PDE8B: variants seen among roughly 807,000 people sequenced by gnomAD.
PDE8B encodes high affinity cAMP-specific and IBMX-insensitive 3',5'-cyclic phosphodiesterase 8B.
PDE8B carries 26 observed loss-of-function variants against 101.3 expected under a neutral mutation model. That is an observed-to-expected ratio of 0.26 (90% CI 0.19 to 0.36). The LOEUF (loss-of-function observed/expected upper bound fraction) is 0.36, where lower values mean the gene tolerates loss of function less well. Among genes scored for constraint, PDE8B ranks in the 10% least tolerant of loss-of-function variants. The probability of loss-of-function intolerance (pLI) is 1.00; values close to 1 mark genes in which losing one functional copy is unlikely to be tolerated. For synonymous variants in PDE8B, 424 were observed against 429.3 expected, an observed-to-expected ratio of 0.99 and a Z score of 0.15; for missense variants, 810 against 1,163.1, an observed-to-expected ratio of 0.70 and a Z score of 4.42.
At chr5:77,384,519 C>T (rs1006399314) in intron 10 of PDE8B, among the ~76,000 whole-genome samples, 3 of 152,082 alleles carry the variant, frequency 2.0e-5, no homozygotes, top group East Asian at 1.9e-4. Context: ...GTTGAATAGG[C>T]GTGGTGAGAG....
the PDE8B span, among the ~76,000 whole-genome samples, chr5:77,099,379 A>G: frequency 6.6e-6 from 1 of 152,222 alleles, no homozygotes; most frequent in Non-Finnish European, 1.5e-5. Context: ...GAACTGAGAT[A>G]TTTTTAAGAT....
chr5:77,090,777 G>A, the PDE8B span, among the ~76,000 whole-genome samples: 1 of 152,080 alleles, frequency 6.6e-6, no homozygotes, highest in Non-Finnish European at 1.5e-5. Flanking sequence ...GTGTATGTGT[G>A]AATACACACC....
Position 77,353,630 on chromosome 5 carries a change from T to C in PDE8B, c.1167+224T>C, listed in dbSNP as rs191355267. Among the ~76,000 whole-genome samples the C allele has an allele frequency of 4.6e-5, 7 of 152,312 alleles. No homozygotes were observed. In the East Asian group the frequency reaches 1.3e-3, roughly 29 times the overall value. ...TGCACATCGGTTATGATTTAGCTTG[T>C]GGCTGAGGAACTCTCTAGACTAATA... On this transcript the variant is annotated intron_variant, in intron 10 of 21. Coordinates refer to ENST00000264917, the MANE Select transcript of PDE8B (RefSeq NM_003719.5).
At chr5:77,423,638 T>TAG (rs1442051305) in intron 20 of PDE8B, among the ~76,000 whole-genome samples, 1 of 116,000 alleles carries the variant, frequency 8.6e-6, no homozygotes, top group African/African-American at 3.4e-5. Context: ...TTTAGTTTTT[T>TAG]TTTTTTTTTT....
At chr5:77,312,838 A>T (rs1370375895) in intron 2 of PDE8B, among the ~76,000 whole-genome samples, 1 of 152,200 alleles carries the variant, frequency 6.6e-6, no homozygotes, top group Admixed American at 6.5e-5. Flanking sequence ...TATGTGACTT[A>T]AGCCAAGCAG....
the PDE8B span, among the ~76,000 whole-genome samples, chr5:77,117,462 C>T: frequency 1.3e-5 from 2 of 152,124 alleles, no homozygotes; most frequent in Non-Finnish European, 2.9e-5. Flanking sequence ...TTACCTTTAC[C>T]ATGAAGACAG....
chr5:77,288,653 A>G (rs1437248538), intron 1 of PDE8B, among the ~76,000 whole-genome samples: 1 of 152,128 alleles, frequency 6.6e-6, no homozygotes, highest in Non-Finnish European at 1.5e-5. Context: ...CCCAGCCTTC[A>G]CCATCCTTTG....
chr5:77,104,265 G>A, the PDE8B span, among the ~76,000 whole-genome samples: 1 of 152,160 alleles, frequency 6.6e-6, no homozygotes, highest in Non-Finnish European at 1.5e-5. Flanking sequence ...TTGCCGGGAG[G>A]GAGCTCAGTA....
At chr5:77,424,415 G>A (rs918632601) in intron 20 of PDE8B, among the ~76,000 whole-genome samples, 14 of 152,192 alleles carry the variant, frequency 9.2e-5, no homozygotes, top group African/African-American at 3.4e-4. Context: ...CTGGCCTTCT[G>A]GCTTAATACA....
the PDE8B span, among the ~76,000 whole-genome samples, chr5:77,185,268 C>A: frequency 6.6e-6 from 1 of 152,192 alleles, no homozygotes; most frequent in Non-Finnish European, 1.5e-5. Context: ...GCTCACACAA[C>A]CGAGATTGAC....
At position 77,412,090 on chromosome 5, in the gene PDE8B, G is replaced by C; in HGVS notation, c.1577-10G>C. 5 of 1,613,982 alleles carry C rather than the reference G, an allele frequency of 3.1e-6. No homozygotes were observed. Among genetic ancestry groups the C allele is most frequent in the Non-Finnish European group, 4.2e-6 (5 of 1,179,952 alleles). On this transcript the variant is annotated splice_polypyrimidine_tract_variant and intron_variant, in intron 15 of 21. Coordinates refer to ENST00000264917, the MANE Select transcript of PDE8B (RefSeq NM_003719.5). ...TTAACCAGCCTCCCCCATCCCATCT[G>C]TTTGCTCAGATGTGCACCAGAGTCA...
chr5:77,426,050 T>C lies in PDE8B; in HGVS notation c.2548+154T>C, dbSNP rs1798045182. The stretch of plus-strand genomic sequence containing the variant: ...GGCCAAGTGGGGTGGGGTGCATTCT[T>C]TGCATCCCCAGCAGCTGGCACAGAA... On this transcript the variant is annotated intron_variant, in intron 21 of 21. Transcript: ENST00000264917. 4.2e-6 allele frequency: 3 copies of C among 712,154 alleles called. No individual in the cohort carries two copies. In the Admixed American group the frequency reaches 6.1e-5, roughly 15 times the overall value. The allele number at this position is 712,154 out of a possible 1,614,324, so 44.1% of individuals were successfully genotyped here. A position where few individuals can be genotyped will look rare whatever the true frequency, so the allele number is the denominator to read the frequency against.
intron 1 of PDE8B, among the ~76,000 whole-genome samples, chr5:77,217,734 G>C (rs981293581): frequency 5.9e-5 from 9 of 151,924 alleles, no homozygotes; most frequent in Non-Finnish European, 1.3e-4. Context: ...ATGGGGTCTC[G>C]CCACGTTACC....
chr5:77,396,560 ACC>A (rs1791104868), intron 10 of PDE8B, among the ~76,000 whole-genome samples: 1 of 152,168 alleles, frequency 6.6e-6, no homozygotes, highest in East Asian at 1.9e-4. Context: ...ACAGCTCCAT[ACC>A]ATAGGTGACC....
intron 1 of PDE8B, among the ~76,000 whole-genome samples, chr5:77,230,340 G>A (rs1298849794): frequency 1.3e-5 from 2 of 152,232 alleles, no homozygotes; most frequent in African/African-American, 4.8e-5. Context: ...AGCTCAGGAA[G>A]CCAAAGTACA....
At chr5:77,143,842 G>A in the PDE8B span, 46,747 of 149,640 alleles carry the variant, frequency 0.31, 9,138 homozygotes, top group Non-Finnish European at 0.43. Context: ...TCATAAGGGA[G>A]TGGTCCTTCT....
At chr5:77,287,768 G>A (rs898081517) in intron 1 of PDE8B, among the ~76,000 whole-genome samples, 4 of 152,028 alleles carry the variant, frequency 2.6e-5, no homozygotes, top group African/African-American at 9.7e-5. Flanking sequence ...TCTGGTAACT[G>A]ATTTTAACAA....
the PDE8B span, among the ~76,000 whole-genome samples, chr5:77,090,098 T>A: frequency 6.6e-6 from 1 of 152,204 alleles, no homozygotes; most frequent in Non-Finnish European, 1.5e-5. Flanking sequence ...GTTGATCTCA[T>A]GGAGGTAGAG....
In PDE8B at chr5:77,211,123, C is replaced by A. The variant is rs1035682633; in HGVS notation, c.198C>A (p.Arg66=). The part of the protein sequence containing the change: ...SRASGPPSVA[R]VRRARTELGS... ...CGTCGGGACCCCCCAGCGTAGCCCG[C>A]GTCCGCAGGGCCCGCACCGAGCTGG... Residue 66 remains arginine (R), a synonymous_variant, in exon 1 of 22, where the codon CGC becomes CGA. Transcript: ENST00000264917. This position sits in a 1 kb window ranked among gnomAD's most constrained non-coding sequence, Gnocchi z 4.1. 6.6e-7 allele frequency: 1 copy of A among 1,504,902 alleles called. No homozygotes were observed. The highest frequency in any genetic ancestry group is 2.7e-5 in the East Asian group (1 of 37,126). The allele number at this position is 1,504,902 out of a possible 1,614,324, so 93.2% of individuals were successfully genotyped here.
Sources: gnomAD v4.1 joint callset for allele counts (sites outside exome capture counted in the v4.1 genomes callset) on GRCh38, gnomAD v4.1.1 for gene constraint, Gnocchi (gnomAD v3.1) non-coding constraint, MANE v1.5 for transcripts, NCBI Gene and HGNC (gene_info 2026-07-23, HGNC 2026-07-21) for gene names.